The following CAPN7 variants were observed in gnomAD, a reference collection of about 807,000 sequenced individuals.
CAPN7 encodes the protein calpain-7.
Under a neutral mutation model 115.2 loss-of-function variants are expected in CAPN7, and 72 were observed. The observed-to-expected ratio is 0.63, with a 90% confidence interval of 0.52 to 0.76. The LOEUF (loss-of-function observed/expected upper bound fraction) is 0.76, where lower values mean the gene tolerates loss of function less well. Among genes scored for constraint, CAPN7 ranks in the 30% least tolerant of loss-of-function variants. CAPN7 has a pLI of 0.00. For synonymous variants in CAPN7, 344 were observed against 322.3 expected (o/e 1.07, Z -0.72); for missense variants, 905 against 971.5 (o/e 0.93, Z 0.91).
intron 19 of CAPN7, among the ~76,000 whole-genome samples, chr3:15,250,434 C>T (rs1032191717): frequency 7.9e-5 from 12 of 151,932 alleles, no homozygotes; most frequent in Non-Finnish European, 2.9e-5. Flanking sequence ...TTTGGAAGGC[C>T]GAGGCTGGCA....
intron 6 of CAPN7, 113 bp from the exon 7 acceptor site, chr3:15,227,726 A>C: frequency 1.8e-5 from 9 of 493,644 alleles, no homozygotes; most frequent in Non-Finnish European, 2.7e-5. Flanking sequence ...TTAAGATAAT[A>C]CAGTACTGCT....
intron 17 of CAPN7, chr3:15,246,419 G>A (rs1437478235): frequency 1.1e-5 from 3 of 282,772 alleles, no homozygotes; most frequent in Non-Finnish European, 2.0e-5. Context: ...CTAGATAAGC[G>A]GCTCAATTTG....
At chr3:15,243,300 C>T (rs1209724716) in intron 16 of CAPN7, among the ~76,000 whole-genome samples, 1 of 152,152 alleles carries the variant, frequency 6.6e-6, no homozygotes, top group African/African-American at 2.4e-5. Context: ...CTGTACACCA[C>T]AGGAAGGGTT....
At chr3:15,217,302 T>G in intron 2 of CAPN7, 123 bp from the exon 3 acceptor site, 2 of 837,262 alleles carry the variant, frequency 2.4e-6, no homozygotes, top group Non-Finnish European at 3.4e-6. Flanking sequence ...TTTTTAACCT[T>G]GCTAAGTTTT....
At chr3:15,222,333 T>C (rs974537815) in intron 5 of CAPN7, among the ~76,000 whole-genome samples, 7 of 152,194 alleles carry the variant, frequency 4.6e-5, no homozygotes, top group African/African-American at 1.7e-4. Context: ...TTGATTGCCC[T>C]CTGAACCAGT....
chr3:15,241,224 G>A (rs1053121135), intron 14 of CAPN7, among the ~76,000 whole-genome samples: 6 of 151,924 alleles, frequency 3.9e-5, no homozygotes, highest in Admixed American at 2.0e-4. Flanking sequence ...AATAAATAAC[G>A]GAATGGTTAA....
chr3:15,212,403 A>G (rs1347258999), intron 2 of CAPN7, among the ~76,000 whole-genome samples, 191 bp downstream of exon 2: 1 of 152,242 alleles, frequency 6.6e-6, no homozygotes, highest in East Asian at 1.9e-4. Flanking sequence ...TTGAAGAGGA[A>G]CCTTATAGAC....
chr3:15,247,391 A>G lies in CAPN7; in HGVS notation c.2138A>G (p.Asn713Ser). The change falls in exon 19 of 21, where the codon AAT (asparagine) becomes AGT (serine). Residue 713 changes from asparagine to serine, a missense_variant. Around this residue, in one of 3 missense-constraint regions of CAPN7, gnomAD observed 620 missense variants for 703.4 expected, o/e 0.88. Transcript: ENST00000253693. Reference protein sequence around the residue: ...GCGNFQETHKNNPIYQFHIEK... With the variant: ...GCGNFQETHKSNPIYQFHIEK... ...GGAAATTTCCAAGAGACTCACAAAA[A>G]TAACCCCATCTACCAATTCCATATA... The G allele has an allele frequency of 6.2e-7, 1 of 1,612,190 alleles. No individual in the cohort carries two copies. The highest frequency in any genetic ancestry group is 8.5e-7 in the Non-Finnish European group (1 of 1,178,946).
chr3:15,222,820 C>T lies in CAPN7; in HGVS notation c.639-655C>T, dbSNP rs554753304. On this transcript the variant is annotated intron_variant, in intron 5 of 20. Coordinates refer to ENST00000253693, the MANE Select transcript of CAPN7 (RefSeq NM_014296.3). ...AGTCCCAACAATCATTTCATCTATT[C>T]CTGACTATATTAAGTAGTCCTCAGA... Among the ~76,000 whole-genome samples, 132 of 152,300 alleles carry T rather than the reference C, an allele frequency of 8.7e-4. No homozygotes were observed. In the South Asian group the frequency reaches 0.011, roughly 12 times the overall value.
intron 10 of CAPN7, 135 bp downstream of exon 10, chr3:15,232,800 C>T: frequency 2.9e-6 from 2 of 679,234 alleles, no homozygotes; most frequent in South Asian, 2.3e-5. Flanking sequence ...ACAGGATGAC[C>T]AGTCCCCGTA....
At chr3:15,212,991 C>T (rs1292979797) in intron 2 of CAPN7, among the ~76,000 whole-genome samples, 1 of 152,160 alleles carries the variant, frequency 6.6e-6, no homozygotes, top group Non-Finnish European at 1.5e-5. Context: ...CATTGGATTC[C>T]TTGTTATGAC....
chr3:15,209,079 C>G (rs952431151), intron 1 of CAPN7, among the ~76,000 whole-genome samples: 2 of 151,994 alleles, frequency 1.3e-5, no homozygotes, highest in Non-Finnish European at 1.5e-5. Flanking sequence ...AGCACAATCT[C>G]GACTCGCTGC....
At chr3:15,210,655 C>T in intron 1 of CAPN7, 1 of 341,350 alleles carries the variant, frequency 2.9e-6, no homozygotes, top group South Asian at 2.3e-5. Context: ...AGTGCAGTGG[C>T]CCGATCACAG....
intron 3 of CAPN7, 141 bp from the exon 4 acceptor site, chr3:15,218,332 G>T: frequency 3.1e-6 from 2 of 637,284 alleles, no homozygotes; most frequent in East Asian, 2.7e-5. Context: ...TACCTTTAAG[G>T]ATGAGAATTA....
intron 8 of CAPN7, 47 bp from the exon 9 acceptor site, chr3:15,230,395 A>T (rs777356187): frequency 8.0e-7 from 1 of 1,255,508 alleles, no homozygotes; most frequent in Non-Finnish European, 1.2e-6. Context: ...AGTAGTTGAT[A>T]TTGAATACTA....
intron 6 of CAPN7, among the ~76,000 whole-genome samples, chr3:15,226,126 A>C (rs1045445201): frequency 6.6e-6 from 1 of 152,088 alleles, no homozygotes; most frequent in Non-Finnish European, 1.5e-5. Flanking sequence ...CTCAGGCTAG[A>C]GTGCAGTGGT....
At chr3:15,209,566 A>G (rs1398138333) in intron 1 of CAPN7, among the ~76,000 whole-genome samples, 3 of 152,230 alleles carry the variant, frequency 2.0e-5, no homozygotes, top group Non-Finnish European at 2.9e-5. Context: ...CCTGTGATCT[A>G]TCTTAACAGT....
At chr3:15,250,897 T>C in intron 19 of CAPN7, 34 bp from the exon 20 acceptor site, 1 of 1,367,160 alleles carries the variant, frequency 7.3e-7, no homozygotes, top group Non-Finnish European at 1.0e-6. Context: ...AGAATATATA[T>C]TAATACAGTA....
chr3:15,229,797 G>A (rs1325171181), intron 8 of CAPN7, among the ~76,000 whole-genome samples: 1 of 151,856 alleles, frequency 6.6e-6, no homozygotes, highest in Admixed American at 6.6e-5. Flanking sequence ...GCTTTAGAAT[G>A]TATTAAAATG....
Sources: allele counts gnomAD v4.1 joint callset (sites outside exome capture counted in the v4.1 genomes callset), GRCh38; gene constraint gnomAD v4.1.1; regional missense constraint gnomAD v4.1.1; transcripts MANE v1.5; gene names NCBI Gene and HGNC (gene_info 2026-07-23, HGNC 2026-07-21).